ECT2L: variants seen among roughly 807,000 people sequenced by gnomAD.
ECT2L encodes the protein epithelial cell transforming 2 like, also known as epithelial cell-transforming sequence 2 oncogene-like.
ECT2L carries 126 observed loss-of-function variants against 122.8 expected under a neutral mutation model. That is an observed-to-expected ratio of 1.03 (90% CI 0.89 to 1.19). The LOEUF is 1.19. ECT2L is among the 50% of genes most tolerant of loss of function. The pLI, the probability that ECT2L is intolerant of heterozygous loss-of-function variation, is 0.00. For missense variants in ECT2L, 1,012 were observed against 1,064.1 expected (o/e 0.95, Z 0.68); for synonymous variants, 385 against 381.8 (o/e 1.01, Z -0.10).
chr6:138,894,681 A>G (rs1222865311), intron 20 of ECT2L, among the ~76,000 whole-genome samples: 1 of 152,210 alleles, frequency 6.6e-6, no homozygotes, highest in East Asian at 1.9e-4. Flanking sequence ...TAGACAAAGA[A>G]CAATTATGGT....
chr6:138,818,582 A>G (rs1402756024), intron 4 of ECT2L, among the ~76,000 whole-genome samples: 1 of 152,204 alleles, frequency 6.6e-6, no homozygotes, highest in Non-Finnish European at 1.5e-5. Flanking sequence ...CATCGAATGA[A>G]ACTTGCTGAA....
At chr6:138,873,309 C>G (rs1778318014) in intron 13 of ECT2L, among the ~76,000 whole-genome samples, 1 of 152,190 alleles carries the variant, frequency 6.6e-6, no homozygotes, top group Non-Finnish European at 1.5e-5. Context: ...AGCTTGGGCA[C>G]AAAGCCCACA....
intron 14 of ECT2L, chr6:138,879,089 T>C (rs148782372): frequency 4.0e-4 from 73 of 181,290 alleles, no homozygotes; most frequent in African/African-American, 1.6e-3. Flanking sequence ...AATTGTATCT[T>C]TAACCTCCAC....
intron 13 of ECT2L, among the ~76,000 whole-genome samples, chr6:138,872,937 C>T (rs1778306029): frequency 6.6e-6 from 1 of 152,108 alleles, no homozygotes; most frequent in Non-Finnish European, 1.5e-5. Flanking sequence ...TGTGAAAGAC[C>T]TAACTCTTGG....
At chr6:138,882,305 T>A (rs1358938870) in intron 15 of ECT2L, among the ~76,000 whole-genome samples, 3 of 152,066 alleles carry the variant, frequency 2.0e-5, no homozygotes, top group Admixed American at 6.5e-5. Flanking sequence ...CTCTGATGGA[T>A]GAATGAGGGA....
In ECT2L at chr6:138,882,728, T is replaced by A. The variant is rs1673069800; in HGVS notation, c.1885T>A (p.Phe629Ile). 5 of 1,613,576 alleles carry A rather than the reference T, an allele frequency of 3.1e-6. No homozygotes were observed. Among genetic ancestry groups the A allele is most frequent in the Non-Finnish European group, 4.2e-6 (5 of 1,179,922 alleles). The change falls in exon 16 of 22, where the codon TTT (phenylalanine) becomes ATT (isoleucine). Residue 629 changes from phenylalanine to isoleucine, a missense_variant. Transcript: ENST00000541398. ...ILQILSLNRQ[F>I]LDNLRDRLQE... Reference sequence around the variant, plus strand: ...TATGCTCTTCTCATACCACAGGCAGTTTCTAGATAACCTGAGAGACAGACT... The same window carrying A: ...TATGCTCTTCTCATACCACAGGCAGATTCTAGATAACCTGAGAGACAGACT...
At chr6:138,861,697 G>A (rs1010201782) in intron 10 of ECT2L, among the ~76,000 whole-genome samples, 2 of 152,116 alleles carry the variant, frequency 1.3e-5, no homozygotes, top group East Asian at 3.9e-4. Context: ...CCTGATGATA[G>A]TTTCTTTTGC....
chr6:138,803,851 T>C (rs1167437435), intron 1 of ECT2L, among the ~76,000 whole-genome samples: 4 of 152,232 alleles, frequency 2.6e-5, no homozygotes, highest in Admixed American at 2.0e-4. Flanking sequence ...GTGCTTCTTC[T>C]CTTGAAGTGT....
intron 4 of ECT2L, among the ~76,000 whole-genome samples, chr6:138,828,411 G>A (rs1583564448): frequency 1.3e-5 from 2 of 152,080 alleles, no homozygotes; most frequent in African/African-American, 4.8e-5. Context: ...TTTGCTGATT[G>A]TAACCTTCTG....
chr6:138,814,533 C>A lies in ECT2L; in HGVS notation c.109C>A (p.Leu37Ile). Reference protein sequence around the residue: ...RVALISHWFDLWTNKQRQEFL... With the variant: ...RVALISHWFDIWTNKQRQEFL... Reference sequence around the variant, plus strand: ...GGCTCTTATAAGTCATTGGTTTGACCTCTGGACTAACAAGCAACGTCAAGA... The same window carrying A: ...GGCTCTTATAAGTCATTGGTTTGACATCTGGACTAACAAGCAACGTCAAGA... The change falls in exon 4 of 22, where the codon CTC (leucine) becomes ATC (isoleucine). Residue 37 changes from leucine (L) to isoleucine (I), a missense_variant. Coordinates refer to ENST00000541398, the MANE Select transcript of ECT2L (RefSeq NM_001077706.3). 1 of 1,612,492 alleles carries A rather than the reference C, an allele frequency of 6.2e-7. No homozygotes were observed. Among genetic ancestry groups the A allele is most frequent in the Non-Finnish European group, 8.5e-7 (1 of 1,179,026 alleles).
rs148059715 is a variant in ECT2L at position 138,801,480 on chromosome 6, G to A, written c.-244+5288G>A. Among the ~76,000 whole-genome samples, 525 of 152,246 alleles carry A rather than the reference G, an allele frequency of 3.4e-3. 2 individuals are homozygous for A. Among genetic ancestry groups the A allele is most frequent in the African/African-American group, 8.4e-3 (351 of 41,558 alleles). ...AAAATCAACCACAGAGGCCAGGTGC[G>A]GTGGCCCACACCTGTAATCCCAGCA... On this transcript the variant is annotated intron_variant, in intron 1 of 21. Transcript: ENST00000541398.
chr6:138,825,773 C>T (rs776399759), intron 4 of ECT2L, among the ~76,000 whole-genome samples: 1 of 152,128 alleles, frequency 6.6e-6, no homozygotes, highest in Non-Finnish European at 1.5e-5. Flanking sequence ...CTCCTTATTG[C>T]TTTACCCATA....
chr6:138,821,859 G>A (rs976601926), intron 4 of ECT2L, among the ~76,000 whole-genome samples: 8 of 152,232 alleles, frequency 5.3e-5, no homozygotes, highest in African/African-American at 1.7e-4. Context: ...CTAGCCCCTT[G>A]ATGGGGAGGC....
intron 4 of ECT2L, chr6:138,823,433 G>A (rs540095820): frequency 1.4e-4 from 220 of 1,608,366 alleles, no homozygotes; most frequent in Admixed American, 4.9e-4. Context: ...CACTCATGAA[G>A]ATGCCAAACA....
intron 9 of ECT2L, among the ~76,000 whole-genome samples, chr6:138,852,649 G>A (rs1177108081): frequency 2.6e-5 from 4 of 152,100 alleles, no homozygotes; most frequent in Non-Finnish European, 5.9e-5. Context: ...ACGAATTGAC[G>A]TTTGTTTCAC....
At chr6:138,882,598 A>G in intron 15 of ECT2L, 126 bp from the exon 16 acceptor site, 1 of 1,141,926 alleles carries the variant, frequency 8.8e-7, no homozygotes, top group African/African-American at 1.6e-5. Flanking sequence ...TTAGGAAGAA[A>G]TGACTTGACC....
intron 8 of ECT2L, among the ~76,000 whole-genome samples, chr6:138,847,449 C>G (rs1777270260): frequency 7.3e-6 from 1 of 137,762 alleles, no homozygotes; most frequent in South Asian, 2.4e-4. Context: ...CGGCTCACTG[C>G]CAGCTCTGCC....
chr6:138,872,383 G>A (rs1010960386), intron 13 of ECT2L, among the ~76,000 whole-genome samples: 5 of 152,190 alleles, frequency 3.3e-5, no homozygotes, highest in Non-Finnish European at 7.3e-5. Context: ...CTGCCTTTGT[G>A]GAGGATGAGG....
intron 15 of ECT2L, 66 bp from the exon 16 acceptor site, chr6:138,882,658 T>C (rs1778680998): frequency 6.3e-7 from 1 of 1,577,628 alleles, no homozygotes; most frequent in African/African-American, 1.4e-5. Flanking sequence ...CTGATGACAA[T>C]GGATATTTGG....
Sources: allele counts gnomAD v4.1 joint callset (sites outside exome capture counted in the v4.1 genomes callset), GRCh38; gene constraint gnomAD v4.1.1; transcripts MANE v1.5; gene names NCBI Gene and HGNC (gene_info 2026-07-23, HGNC 2026-07-21).